Variants in CHRM3 observed in about 807,000 individuals in gnomAD.
CHRM3 encodes the protein cholinergic receptor muscarinic 3, also known as muscarinic acetylcholine receptor M3.
A neutral mutation model predicts 41.8 loss-of-function variants in CHRM3; 11 were observed. The ratio of observed to expected loss-of-function variants is 0.26; its 90% CI spans 0.17 to 0.44. The LOEUF (loss-of-function observed/expected upper bound fraction) is 0.44, where lower values mean the gene tolerates loss of function less well. CHRM3 is among the 20% of genes least tolerant of loss of function. CHRM3 has a pLI of 1.00. For missense variants in CHRM3, 571 were observed against 745.4 expected (o/e 0.77, Z 2.72); for synonymous variants, 297 against 301.4 (o/e 0.99, Z 0.15).
In CHRM3 at chr1:239,822,292, T is replaced by G. The variant is rs1007491437; in HGVS notation, c.-146-4960T>G. 4.6e-5 allele frequency among the ~76,000 whole-genome samples: 7 copies of G among 152,352 alleles called. No homozygotes were observed. In the South Asian group the frequency reaches 1.4e-3, roughly 32 times the overall value. ...AATGGTACCCGTAACTTGGTTCTGA[T>G]GCTGAGATTCCTGGAGTGTCTTATA... On this transcript the variant is annotated intron_variant, in intron 5 of 6. Coordinates refer to ENST00000676153, the MANE Select transcript of CHRM3 (RefSeq NM_001375978.1).
intron 4 of CHRM3, among the ~76,000 whole-genome samples, chr1:239,637,465 C>T (rs1033342999): frequency 1.4e-4 from 20 of 145,462 alleles, no homozygotes; most frequent in African/African-American, 4.7e-4. Flanking sequence ...AAATGGTACA[C>T]AAATTTTTAA....
intron 6 of CHRM3, among the ~76,000 whole-genome samples, chr1:239,873,871 TC>T (rs931312422): frequency 6.6e-6 from 1 of 151,998 alleles, no homozygotes; most frequent in Non-Finnish European, 1.5e-5. Flanking sequence ...CCAGCTGAAG[TC>T]CCCCCTCTCC....
intron 2 of CHRM3, among the ~76,000 whole-genome samples, chr1:239,514,889 G>A (rs1435229974): frequency 6.6e-6 from 1 of 152,028 alleles, no homozygotes; most frequent in African/African-American, 2.4e-5. Context: ...ATGATACCAT[G>A]GTAGAAGTAA....
rs577268511 is a variant in CHRM3, at chr1:239,903,121, T to C, written c.-19-4312T>C. On this transcript the variant is annotated intron_variant, in intron 6 of 6. Coordinates refer to ENST00000676153, the MANE Select transcript of CHRM3 (RefSeq NM_001375978.1). ...GCTGACTTTCCTCAATTCTGGCTTCTTTCATTTTCTGTATTCAAACAAAGC... is the reference window on the plus strand; with the variant it reads ...GCTGACTTTCCTCAATTCTGGCTTCCTTCATTTTCTGTATTCAAACAAAGC... 2.0e-5 allele frequency among the ~76,000 whole-genome samples: 3 copies of C among 152,354 alleles called. No homozygotes were observed. In the South Asian group the frequency reaches 6.2e-4, roughly 32 times the overall value.
intron 1 of CHRM3, among the ~76,000 whole-genome samples, chr1:239,444,879 T>A (rs1034135256): frequency 6.6e-6 from 1 of 152,018 alleles, no homozygotes; most frequent in Non-Finnish European, 1.5e-5. Context: ...TTGGATTTGT[T>A]GATTATTTAC....
chr1:239,590,100 G>C (rs1035394423), intron 3 of CHRM3, among the ~76,000 whole-genome samples: 1 of 152,000 alleles, frequency 6.6e-6, no homozygotes, highest in Admixed American at 6.6e-5. Flanking sequence ...CAAGATTCAA[G>C]GTCACCTTCA....
At chr1:239,679,086 T>C (rs1467196896) in intron 5 of CHRM3, among the ~76,000 whole-genome samples, 1 of 152,032 alleles carries the variant, frequency 6.6e-6, no homozygotes, top group Non-Finnish European at 1.5e-5. Flanking sequence ...ACGACACCTA[T>C]TACATAATAT....
chr1:239,715,726 G>A (rs1325788285), intron 5 of CHRM3, among the ~76,000 whole-genome samples: 1 of 152,078 alleles, frequency 6.6e-6, no homozygotes, highest in African/African-American at 2.4e-5. Context: ...TAATGAGTTG[G>A]GTGGCAAAGA....
intron 1 of CHRM3, among the ~76,000 whole-genome samples, chr1:239,404,000 AG>A: frequency 6.8e-6 from 1 of 147,584 alleles, no homozygotes; most frequent in Non-Finnish European, 1.5e-5. Context: ...AGAGAGAGAG[AG>A]AGAGAGAGAG....
chr1:239,633,453 A>T (rs1343570131), intron 4 of CHRM3, among the ~76,000 whole-genome samples: 1 of 152,134 alleles, frequency 6.6e-6, no homozygotes, highest in Non-Finnish European at 1.5e-5. Flanking sequence ...TTACGGTTCG[A>T]GATGATATTT....
intron 5 of CHRM3, among the ~76,000 whole-genome samples, chr1:239,825,717 T>A (rs767274374): frequency 1.8e-4 from 28 of 152,150 alleles, no homozygotes; most frequent in Non-Finnish European, 3.4e-4. Flanking sequence ...AAATTCTTTT[T>A]ATTTTTTTTT....
chr1:239,861,446 G>A (rs1050718824), intron 6 of CHRM3, among the ~76,000 whole-genome samples: 1 of 152,080 alleles, frequency 6.6e-6, no homozygotes, highest in East Asian at 1.9e-4. Context: ...CAGACGATAT[G>A]GTAAAAAAGA....
At chr1:239,752,294 C>T (rs1031550603) in intron 5 of CHRM3, among the ~76,000 whole-genome samples, 1 of 152,146 alleles carries the variant, frequency 6.6e-6, no homozygotes, top group African/African-American at 2.4e-5. Flanking sequence ...GGGAAAAAGA[C>T]TGTAGTTAGG....
chr1:239,649,146 A>G (rs1305089938), intron 4 of CHRM3, among the ~76,000 whole-genome samples: 6 of 152,156 alleles, frequency 3.9e-5, no homozygotes, highest in African/African-American at 1.4e-4. Context: ...ATATGTTAAA[A>G]TCCTAATCCC....
intron 2 of CHRM3, among the ~76,000 whole-genome samples, chr1:239,545,142 C>T (rs1215171086): frequency 6.6e-6 from 1 of 152,158 alleles, no homozygotes; most frequent in Non-Finnish European, 1.5e-5. Context: ...AGTAATGTTA[C>T]ATTGAGTTAC....
intron 6 of CHRM3, among the ~76,000 whole-genome samples, chr1:239,835,980 G>A (rs1335922644): frequency 2.0e-5 from 3 of 152,236 alleles, no homozygotes; most frequent in African/African-American, 4.8e-5. Context: ...CTTTTGAGAC[G>A]ATGGAGATAC....
At chr1:239,624,593 G>T (rs1334644900) in intron 3 of CHRM3, among the ~76,000 whole-genome samples, 2 of 151,780 alleles carry the variant, frequency 1.3e-5, no homozygotes, top group Non-Finnish European at 2.9e-5. Flanking sequence ...GTCCTGAGTG[G>T]TAATGCCTAG....
intron 2 of CHRM3, among the ~76,000 whole-genome samples, chr1:239,528,776 C>G (rs1321020168): frequency 6.6e-6 from 1 of 152,046 alleles, no homozygotes; most frequent in Non-Finnish European, 1.5e-5. Context: ...GCCTGTAGTC[C>G]CAGCTACTCG....
At chr1:239,668,190 C>T (rs1190615983) in intron 4 of CHRM3, among the ~76,000 whole-genome samples, 3 of 147,682 alleles carry the variant, frequency 2.0e-5, no homozygotes, top group Non-Finnish European at 1.5e-5. Flanking sequence ...CCTCTGCCTC[C>T]GAGGCCCAAG....
Sources: allele counts gnomAD v4.1 joint callset (sites outside exome capture counted in the v4.1 genomes callset), GRCh38; gene constraint gnomAD v4.1.1; transcripts MANE v1.5; gene names NCBI Gene and HGNC (gene_info 2026-07-23, HGNC 2026-07-21).